FGGY: variants seen among roughly 807,000 people sequenced by gnomAD.
FGGY encodes the protein FGGY carbohydrate kinase domain-containing protein.
In FGGY, 72 loss-of-function variants were observed where a neutral mutation model predicts 71.3. The observed-to-expected ratio is 1.01, with a 90% confidence interval of 0.84 to 1.23. The LOEUF (loss-of-function observed/expected upper bound fraction) is 1.23, where lower values mean the gene tolerates loss of function less well. Ranked by LOEUF, FGGY falls within the 50% of genes most tolerant of loss-of-function variation. The pLI is 0.00. For missense variants in FGGY, 668 were observed against 682.3 expected, an observed-to-expected ratio of 0.98 and a Z score of 0.23; for synonymous variants, 251 against 250.3, an observed-to-expected ratio of 1.00 and a Z score of -0.02.
At chr1:59,326,642 T>C (rs1324913723) in intron 2 of FGGY, among the ~76,000 whole-genome samples, 1 of 152,208 alleles carries the variant, frequency 6.6e-6, no homozygotes, top group Non-Finnish European at 1.5e-5. Context: ...TACCTTTATA[T>C]TTTGCATGGA....
At chr1:59,482,072 C>G (rs1183148564) in intron 6 of FGGY, among the ~76,000 whole-genome samples, 3 of 152,142 alleles carry the variant, frequency 2.0e-5, no homozygotes, top group African/African-American at 7.2e-5. Context: ...TACAGGAAGA[C>G]AGGGTATCTA....
At chr1:59,679,308 T>C (rs2097470521) in intron 14 of FGGY, among the ~76,000 whole-genome samples, 1 of 150,940 alleles carries the variant, frequency 6.6e-6, no homozygotes, top group African/African-American at 2.4e-5. Flanking sequence ...GTCAACTTTC[T>C]GTGATTTTTT....
intron 13 of FGGY, chr1:59,673,707 G>C (rs1049382553): frequency 1.9e-5 from 5 of 267,864 alleles, no homozygotes; most frequent in Non-Finnish European, 7.5e-6. Context: ...GGCCAGCAGA[G>C]CGCTTAATAA....
At chr1:59,724,198 G>A (rs1041845958) in intron 14 of FGGY, among the ~76,000 whole-genome samples, 3 of 147,766 alleles carry the variant, frequency 2.0e-5, no homozygotes, top group African/African-American at 7.5e-5. Context: ...CCCCGTGTTG[G>A]CCAGGCATGG....
intron 5 of FGGY, among the ~76,000 whole-genome samples, chr1:59,385,166 C>G (rs2059931908): frequency 6.6e-6 from 1 of 152,030 alleles, no homozygotes; most frequent in African/African-American, 2.4e-5. Context: ...TCTCCATTTT[C>G]CTCTCCTCTC....
chr1:59,557,999 T>C (rs1185775421), intron 8 of FGGY, among the ~76,000 whole-genome samples: 1 of 152,132 alleles, frequency 6.6e-6, no homozygotes, highest in East Asian at 1.9e-4. Flanking sequence ...TTCTCTATCA[T>C]TGAAGGGATG....
chr1:59,634,737 G>C (rs2096940308), intron 10 of FGGY, among the ~76,000 whole-genome samples: 1 of 152,128 alleles, frequency 6.6e-6, no homozygotes. Context: ...GCAAAGAAGA[G>C]GAAACTATTT....
chr1:59,551,566 G>T (rs1421421301), intron 7 of FGGY, among the ~76,000 whole-genome samples: 1 of 152,104 alleles, frequency 6.6e-6, no homozygotes, highest in Non-Finnish European at 1.5e-5. Context: ...ATTTTGAGAT[G>T]TACAGATAAG....
At chr1:59,744,163 T>C (rs544045140) in intron 14 of FGGY, among the ~76,000 whole-genome samples, 15 of 152,378 alleles carry the variant, frequency 9.8e-5, no homozygotes, top group Admixed American at 2.6e-4. Context: ...TAATTATTTC[T>C]ATTACTTCTA....
intron 5 of FGGY, among the ~76,000 whole-genome samples, chr1:59,411,173 G>C (rs1372825014): frequency 6.6e-6 from 1 of 152,136 alleles, no homozygotes; most frequent in Admixed American, 6.5e-5. Flanking sequence ...CACTCTTTTT[G>C]TCTTTCATGA....
chr1:59,308,202 G>A (rs558316060), intron 1 of FGGY, among the ~76,000 whole-genome samples: 3 of 152,296 alleles, frequency 2.0e-5, no homozygotes, highest in African/African-American at 7.2e-5. Context: ...AACTTAAAAT[G>A]TATAGCATGG....
chr1:59,571,397 G>A (rs1328445110), intron 8 of FGGY, among the ~76,000 whole-genome samples: 1 of 152,172 alleles, frequency 6.6e-6, no homozygotes, highest in Non-Finnish European at 1.5e-5. Flanking sequence ...AGACTGTACA[G>A]TGTAGTGGAG....
At chr1:59,459,741 C>T (rs1384653969) in intron 6 of FGGY, among the ~76,000 whole-genome samples, 1 of 152,176 alleles carries the variant, frequency 6.6e-6, no homozygotes, top group Non-Finnish European at 1.5e-5. Context: ...AAGCAACATC[C>T]CACCTGTTCT....
chr1:59,296,477 G>A (rs747280841), upstream of FGGY, among the ~76,000 whole-genome samples: 12 of 152,234 alleles, frequency 7.9e-5, no homozygotes, highest in Non-Finnish European at 1.8e-4. Context: ...CCCCAGAGCC[G>A]GGAACTCGCA....
chr1:59,720,191 A>G (rs1232772969), intron 14 of FGGY, among the ~76,000 whole-genome samples: 1 of 152,212 alleles, frequency 6.6e-6, no homozygotes. Context: ...TAGAAAAGGC[A>G]ACAGGTAAGG....
chr1:59,575,048 A>C (rs547594126), intron 8 of FGGY, among the ~76,000 whole-genome samples: 1 of 152,194 alleles, frequency 6.6e-6, no homozygotes, highest in African/African-American at 2.4e-5. Context: ...TTGATATACT[A>C]TATATTGTAA....
At position 59,683,808 on chromosome 1, in the gene FGGY, A is replaced by C. The variant is rs527988013; in HGVS notation, c.1512+9675A>C. Among the ~76,000 whole-genome samples, 26 of 152,380 alleles carry C rather than the reference A, an allele frequency of 1.7e-4. 1 individual carries two copies. In the South Asian group the frequency reaches 5.4e-3, roughly 32 times the overall value. On this transcript the variant is annotated intron_variant, in intron 14 of 15. Transcript: ENST00000303721. ...ACTCTTGGTTTAAGTAGGGCAAATT[A>C]GTAATTAAGTGCTATATAATGAACT...
At chr1:59,393,496 T>C (rs2060947747) in intron 5 of FGGY, among the ~76,000 whole-genome samples, 3 of 152,200 alleles carry the variant, frequency 2.0e-5, no homozygotes, top group African/African-American at 7.2e-5. Flanking sequence ...ACAGGGGGTG[T>C]TTGTAAGTTT....
chr1:59,619,344 A>G (rs187339113), intron 9 of FGGY, among the ~76,000 whole-genome samples: 2 of 152,216 alleles, frequency 1.3e-5, no homozygotes. Flanking sequence ...ATACACAAAA[A>G]ATAAATAAAT....
Sources: allele counts gnomAD v4.1 joint callset (sites outside exome capture counted in the v4.1 genomes callset), GRCh38; gene constraint gnomAD v4.1.1; transcripts MANE v1.5; gene names NCBI Gene and HGNC (gene_info 2026-07-23, HGNC 2026-07-21).